The following PIBF1 variants were observed in gnomAD, a reference collection of about 807,000 sequenced individuals.
PIBF1 encodes progesterone-induced-blocking factor 1.
Under a neutral mutation model 112.5 loss-of-function variants are expected in PIBF1, and 90 were observed. That is an observed-to-expected ratio of 0.80 (90% CI 0.67 to 0.95). The LOEUF is 0.95. Among genes scored for constraint, PIBF1 ranks in the 40% least tolerant of loss-of-function variants. The pLI is 0.00. For missense variants in PIBF1, 915 were observed against 852.3 expected (o/e 1.07, Z -0.92); for synonymous variants, 301 against 288.6 (o/e 1.04, Z -0.44).
intron 16 of PIBF1, among the ~76,000 whole-genome samples, chr13:72,976,491 A>G (rs1001818278): frequency 2.0e-5 from 3 of 152,212 alleles, no homozygotes; most frequent in African/African-American, 7.2e-5. Context: ...ATTTGACAGT[A>G]TATCTTTATT....
Position 72,857,710 on chromosome 13 carries a change from C to A in PIBF1, c.1322+3555C>A, listed in dbSNP as rs150469411. Reference sequence around the variant, plus strand: ...AAAATATTAGCCTGGCATAGTGGCACGTGCCTGTAATCCCAGCTACTTGGG... The same window carrying A: ...AAAATATTAGCCTGGCATAGTGGCAAGTGCCTGTAATCCCAGCTACTTGGG... On this transcript the variant is annotated intron_variant, in intron 10 of 17. Coordinates refer to ENST00000326291, the MANE Select transcript of PIBF1 (RefSeq NM_006346.4). Among the ~76,000 whole-genome samples the A allele has an allele frequency of 3.0e-3, 463 of 152,112 alleles. 4 individuals are homozygous for A. The highest frequency in any genetic ancestry group is 0.01 in the African/African-American group (428 of 41,530).
intron 5 of PIBF1, among the ~76,000 whole-genome samples, chr13:72,815,025 A>G (rs2138083058): frequency 6.6e-6 from 1 of 152,338 alleles, no homozygotes; most frequent in East Asian, 1.9e-4. Context: ...TCACAGATAG[A>G]TTACTGCAAA....
At chr13:72,821,480 A>G (rs1375145654) in intron 5 of PIBF1, among the ~76,000 whole-genome samples, 1 of 152,224 alleles carries the variant, frequency 6.6e-6, no homozygotes, top group Non-Finnish European at 1.5e-5. Flanking sequence ...AAAATCCTCA[A>G]GAACAGGAAG....
At chr13:72,811,370 A>T (rs147831179) in intron 5 of PIBF1, among the ~76,000 whole-genome samples, 1 of 152,156 alleles carries the variant, frequency 6.6e-6, no homozygotes, top group Non-Finnish European at 1.5e-5. Flanking sequence ...TGGGAGCCCA[A>T]TGTGGATGGA....
rs145526822 is a variant in PIBF1 at position 73,003,240 on chromosome 13, C to T, written c.2223+4245C>T. Among the ~76,000 whole-genome samples the T allele has an allele frequency of 4.1e-4, 62 of 151,726 alleles. No individual in the cohort carries two copies. In the East Asian group the frequency reaches 9.1e-3, roughly 22 times the overall value. ...AGAGCTTTGGAAAGCTATATGTCAT[C>T]TGGAAAGAAAAAAAAATTTTTTTTT... On this transcript the variant is annotated intron_variant, in intron 17 of 17. Transcript: ENST00000326291.
At position 72,942,265 on chromosome 13, in the gene PIBF1, TA is replaced by T. The variant is rs35561447; in HGVS notation, c.1833+11016del. On this transcript the variant is annotated intron_variant, in intron 14 of 17. Transcript: ENST00000326291. Reference sequence around the variant, plus strand: ...CCATATTTCTAAGACTTCAATGATGTAAAAAAAAAAAAAAAAAACCCACTGT... The same window carrying T: ...CCATATTTCTAAGACTTCAATGATGTAAAAAAAAAAAAAAAAACCCACTGT... 3.6e-3 allele frequency among the ~76,000 whole-genome samples: 486 copies of T among 134,742 alleles called. 1 individual carries two copies. Among genetic ancestry groups the T allele is most frequent in the African/African-American group, 5.2e-3 (188 of 36,350 alleles). 88.4% of individuals were successfully genotyped at this position (134,742 alleles called of 152,430 possible).
chr13:72,944,446 T>TAA (rs34333031), intron 14 of PIBF1, among the ~76,000 whole-genome samples: 1,715 of 141,582 alleles, frequency 0.012, 25 homozygotes, highest in African/African-American at 0.037. Context: ...CAAGACTGTC[T>TAA]AAAAAAAAAA....
intron 12 of PIBF1, among the ~76,000 whole-genome samples, chr13:72,916,416 T>TATA (rs1566444095): frequency 1.7e-4 from 20 of 119,202 alleles, no homozygotes; most frequent in South Asian, 1.1e-3. Context: ...ATATATATAT[T>TATA]TTTTTAATCC....
chr13:72,955,918 T>C (rs1323122913), intron 14 of PIBF1, among the ~76,000 whole-genome samples: 1 of 152,228 alleles, frequency 6.6e-6, no homozygotes, highest in Non-Finnish European at 1.5e-5. Context: ...GCCATCTGAG[T>C]ACTAGAATTC....
At chr13:72,858,161 C>T (rs555931375) in intron 10 of PIBF1, among the ~76,000 whole-genome samples, 1 of 152,040 alleles carries the variant, frequency 6.6e-6, no homozygotes, top group African/African-American at 2.4e-5. Flanking sequence ...AAGTGATTCT[C>T]GTGCTTCAGC....
chr13:72,838,145 A>T (rs2138221824), intron 9 of PIBF1, among the ~76,000 whole-genome samples: 1 of 152,348 alleles, frequency 6.6e-6, no homozygotes, highest in African/African-American at 2.4e-5. Flanking sequence ...CAATAAATTA[A>T]TGAATTTAGC....
intron 9 of PIBF1, among the ~76,000 whole-genome samples, 185 bp from the exon 10 acceptor site, chr13:72,853,872 C>T (rs1176694210): frequency 6.6e-6 from 1 of 152,152 alleles, no homozygotes; most frequent in African/African-American, 2.4e-5. Flanking sequence ...ATAGACCATA[C>T]TGGCACCTAC....
At chr13:72,943,092 C>T (rs1320372316) in intron 14 of PIBF1, among the ~76,000 whole-genome samples, 1 of 152,092 alleles carries the variant, frequency 6.6e-6, no homozygotes, top group Non-Finnish European at 1.5e-5. Context: ...AGATGAGATA[C>T]TACATTGCCT....
rs150485983 is a variant in PIBF1, at chr13:72,955,373, TTGTGTGTGTGTGTG to T, written c.1834-9887_1834-9874del. ...CACCAGGTCATATAAATGTGTGTGT[TTGTGTGTGTGTGTG>T]TGTGTGTGTGTGTATGTGCACATTA... On this transcript the variant is annotated intron_variant, in intron 14 of 17. Coordinates refer to ENST00000326291, the MANE Select transcript of PIBF1 (RefSeq NM_006346.4). Among the ~76,000 whole-genome samples the T allele has an allele frequency of 8.9e-3, 1,313 of 147,776 alleles. 34 individuals carry two copies. The highest frequency in any genetic ancestry group is 0.065 in the East Asian group (330 of 5,064).
At chr13:72,954,491 G>A (rs564418225) in intron 14 of PIBF1, among the ~76,000 whole-genome samples, 70 of 152,376 alleles carry the variant, frequency 4.6e-4, no homozygotes, top group African/African-American at 1.5e-3. Context: ...CTTCTGTGAG[G>A]TAGGATCAGG....
chr13:72,800,811 A>G (rs1306083897), intron 5 of PIBF1, among the ~76,000 whole-genome samples: 1 of 152,240 alleles, frequency 6.6e-6, no homozygotes, highest in East Asian at 1.9e-4. Flanking sequence ...GATAATTGTA[A>G]TAGAAAAAAG....
chr13:72,797,519 A>G (rs919650623), intron 4 of PIBF1, among the ~76,000 whole-genome samples: 1 of 152,236 alleles, frequency 6.6e-6, no homozygotes, highest in African/African-American at 2.4e-5. Context: ...TAGGGAGACA[A>G]GGCATGAGCC....
chr13:72,795,572 TCTATTTTTAA>T lies in PIBF1; in HGVS notation c.552+20_552+29del. 7.0e-7 allele frequency: 1 copy of T among 1,426,868 alleles called. No homozygotes were observed. Among genetic ancestry groups the T allele is most frequent in the Non-Finnish European group, 9.7e-7 (1 of 1,029,818 alleles). The allele number at this position is 1,426,868 out of a possible 1,614,324, so 88.4% of individuals were successfully genotyped here. A position where few individuals can be genotyped will look rare whatever the true frequency, so the allele number is the denominator to read the frequency against. ...AATATGTATCTGTAAGTATCTTATA[TCTATTTTTAA>T]CTATGACATATATTTTCAGACTAAA... is the stretch of plus-strand genomic sequence containing the variant. On this transcript the variant is annotated intron_variant, in intron 4 of 17. Transcript: ENST00000326291.
At chr13:72,794,049 CA>C (rs1487689162) in intron 3 of PIBF1, among the ~76,000 whole-genome samples, 5 of 151,982 alleles carry the variant, frequency 3.3e-5, no homozygotes, top group Non-Finnish European at 1.5e-5. Flanking sequence ...AACATTAAGA[CA>C]AAGCAGAAAA....
Sources: allele counts gnomAD v4.1 joint callset (sites outside exome capture counted in the v4.1 genomes callset), GRCh38; gene constraint gnomAD v4.1.1; transcripts MANE v1.5; gene names NCBI Gene and HGNC (gene_info 2026-07-23, HGNC 2026-07-21).